The following ZNF618 variants were observed in gnomAD, a reference collection of about 807,000 sequenced individuals.
ZNF618 encodes zinc finger protein 618.
In ZNF618, 34 loss-of-function variants were observed where a neutral mutation model predicts 103.0. The observed-to-expected ratio is 0.33, with a 90% CI of 0.25 to 0.44. The LOEUF (loss-of-function observed/expected upper bound fraction) is 0.44, where lower values mean the gene tolerates loss of function less well. Among genes scored for constraint, ZNF618 ranks in the 20% least tolerant of loss-of-function variants. The probability of loss-of-function intolerance (pLI) is 1.00; values close to 1 mark genes in which losing one functional copy is unlikely to be tolerated. For synonymous variants in ZNF618, 551 were observed against 542.2 expected, an observed-to-expected ratio of 1.02 and a Z score of -0.23; for missense variants, 1,059 against 1,295.4, an observed-to-expected ratio of 0.82 and a Z score of 2.80.
chr9:114,011,102 G>A (rs1432731979), intron 9 of ZNF618, among the ~76,000 whole-genome samples: 4 of 152,156 alleles, frequency 2.6e-5, no homozygotes, highest in African/African-American at 7.2e-5. Context: ...AGAGCCAACC[G>A]AAATAGGACT....
chr9:113,882,996 A>G (rs1212724181), intron 1 of ZNF618, among the ~76,000 whole-genome samples: 2 of 152,210 alleles, frequency 1.3e-5, no homozygotes, highest in Non-Finnish European at 2.9e-5. Flanking sequence ...TTCTCCAGCC[A>G]ACTTGTAACA....
At chr9:113,877,207 T>C (rs1373536307) in intron 1 of ZNF618, among the ~76,000 whole-genome samples, 2 of 152,122 alleles carry the variant, frequency 1.3e-5, no homozygotes, top group Non-Finnish European at 2.9e-5. Flanking sequence ...AATTTAGTTC[T>C]TGGAGGGGAG....
chr9:113,950,671 C>T (rs528491437), intron 1 of ZNF618, among the ~76,000 whole-genome samples: 27 of 152,268 alleles, frequency 1.8e-4, no homozygotes, highest in Middle Eastern at 3.4e-3. Flanking sequence ...AGGCTGCCCT[C>T]GGCCTGGGGA....
At chr9:114,000,006 T>A (rs1019288479) in intron 4 of ZNF618, among the ~76,000 whole-genome samples, 1 of 152,210 alleles carries the variant, frequency 6.6e-6, no homozygotes, top group African/African-American at 2.4e-5. Context: ...CCTCGCTGTG[T>A]GCCAATCACA....
At chr9:113,937,384 A>G (rs1834121042) in intron 1 of ZNF618, among the ~76,000 whole-genome samples, 1 of 152,248 alleles carries the variant, frequency 6.6e-6, no homozygotes, top group South Asian at 2.1e-4. Context: ...ATTTACGTAT[A>G]TAACCACAAT....
intron 1 of ZNF618, among the ~76,000 whole-genome samples, chr9:113,901,746 C>G (rs1830569469): frequency 6.6e-6 from 1 of 152,132 alleles, no homozygotes; most frequent in African/African-American, 2.4e-5. Context: ...TGGCTGGGTC[C>G]CAAACCTGCA....
intron 1 of ZNF618, among the ~76,000 whole-genome samples, chr9:113,882,091 T>A (rs921810174): frequency 1.3e-5 from 2 of 152,002 alleles, no homozygotes; most frequent in Non-Finnish European, 2.9e-5. Flanking sequence ...AGGAAGGAGA[T>A]CAGAGGTAAA....
chr9:114,047,790 A>G (rs370554020), intron 13 of ZNF618, 103 bp from the exon 14 acceptor site: 86 of 950,202 alleles, frequency 9.1e-5, no homozygotes, highest in Middle Eastern at 4.3e-4. Context: ...CTGAGTCCCA[A>G]TGGCCACATT....
chr9:113,891,473 A>T (rs56228767), intron 1 of ZNF618, among the ~76,000 whole-genome samples: 3,857 of 152,176 alleles, frequency 0.025, 150 homozygotes, highest in African/African-American at 0.088. Flanking sequence ...TATTTTTTTT[A>T]AAAAAGTGTT....
intron 1 of ZNF618, among the ~76,000 whole-genome samples, chr9:113,956,209 CAAAAAAAAAAAAAAA>C (rs10537910): frequency 6.7e-5 from 3 of 44,534 alleles, no homozygotes; most frequent in African/African-American, 1.0e-4. Flanking sequence ...AACTCTGTCT[CAAAAAAAAAAAAAAA>C]AAAAAAAAAA....
In ZNF618 at chr9:113,909,781, TTTTG is replaced by T. The variant is rs140265918; in HGVS notation, c.33+33376_33+33379del. Among the ~76,000 whole-genome samples the T allele has an allele frequency of 7.2e-3, 1,086 of 150,956 alleles. 5 individuals are homozygous for T. Among genetic ancestry groups the T allele is most frequent in the African/African-American group, 0.017 (684 of 41,406 alleles). On this transcript the variant is annotated intron_variant, in intron 1 of 14. Transcript: ENST00000374126. ...TCCCCGATACTCACAGCCTAGCCTT[TTTTG>T]TTTGTTTTTTTTTTTTTGAGACAGA...
intron 12 of ZNF618, chr9:114,035,366 G>C: frequency 1.7e-6 from 1 of 578,262 alleles, no homozygotes; most frequent in Non-Finnish European, 2.2e-6. Context: ...GGCAGACCCG[G>C]CAGCTGGTGG....
chr9:113,986,600 G>C (rs1358905081), intron 2 of ZNF618, among the ~76,000 whole-genome samples: 1 of 152,110 alleles, frequency 6.6e-6, no homozygotes, highest in Non-Finnish European at 1.5e-5. Flanking sequence ...TTCTTACAAA[G>C]CCACCAATCC....
At chr9:114,011,356 T>C (rs1354456938) in intron 9 of ZNF618, among the ~76,000 whole-genome samples, 1 of 152,260 alleles carries the variant, frequency 6.6e-6, no homozygotes, top group African/African-American at 2.4e-5. Flanking sequence ...GTGTGTTCTC[T>C]GTATCTGTAA....
At chr9:113,876,696 G>A (rs1470315520) in intron 1 of ZNF618, among the ~76,000 whole-genome samples, 1 of 152,024 alleles carries the variant, frequency 6.6e-6, no homozygotes, top group Non-Finnish European at 1.5e-5. Context: ...AAAGCGGCGA[G>A]AGAACAGAGC....
At position 113,935,799 on chromosome 9, in the gene ZNF618, C is replaced by T. The variant is rs542758355; in HGVS notation, c.34-33318C>T. On this transcript the variant is annotated intron_variant, in intron 1 of 14. Transcript: ENST00000374126. Reference sequence around the variant, plus strand: ...TGCTGTGTACTCAGGACCTGCTCGGCGAAAGTTTTGAGTGGATCACATGCC... The same window carrying T: ...TGCTGTGTACTCAGGACCTGCTCGGTGAAAGTTTTGAGTGGATCACATGCC... Among the ~76,000 whole-genome samples the T allele has an allele frequency of 6.6e-5, 10 of 152,216 alleles. No homozygotes were observed. The South Asian group carries it at 1.2e-3, about 19-fold the overall frequency.
At chr9:113,925,121 G>A (rs1832972292) in intron 1 of ZNF618, among the ~76,000 whole-genome samples, 1 of 151,960 alleles carries the variant, frequency 6.6e-6, no homozygotes, top group Non-Finnish European at 1.5e-5. Context: ...AGAGGATATT[G>A]ATGGTGGATT....
At chr9:113,982,609 G>C (rs1839073588) in intron 2 of ZNF618, among the ~76,000 whole-genome samples, 1 of 152,132 alleles carries the variant, frequency 6.6e-6, no homozygotes, top group Non-Finnish European at 1.5e-5. Context: ...TTAGGATGTG[G>C]ACATATCTTT....
intron 10 of ZNF618, among the ~76,000 whole-genome samples, chr9:114,018,987 G>A (rs917128388): frequency 6.6e-6 from 1 of 152,198 alleles, no homozygotes; most frequent in Non-Finnish European, 1.5e-5. Flanking sequence ...CTGGACTTGA[G>A]GGCTTCATCA....
Sources: allele counts gnomAD v4.1 joint callset (sites outside exome capture counted in the v4.1 genomes callset), GRCh38; gene constraint gnomAD v4.1.1; transcripts MANE v1.5; gene names NCBI Gene and HGNC (gene_info 2026-07-23, HGNC 2026-07-21).